The following ZNF420 variants were observed in gnomAD, a reference collection of about 807,000 sequenced individuals.
The protein encoded by ZNF420 is ATM and p53-associated KZNF protein.
A neutral mutation model predicts 44.7 loss-of-function variants in ZNF420; 31 were observed. The observed-to-expected ratio is 0.69, with a 90% CI of 0.52 to 0.94. ZNF420 has a LOEUF of 0.94. ZNF420 is among the 40% of genes least tolerant of loss of function. The probability of loss-of-function intolerance (pLI) is 0.00; values close to 1 mark genes in which losing one functional copy is unlikely to be tolerated. For synonymous variants in ZNF420, 245 were observed against 267.4 expected (o/e 0.92, Z 0.82); for missense variants, 681 against 827.9 (o/e 0.82, Z 2.18).
intron 1 of ZNF420, among the ~76,000 whole-genome samples, chr19:37,035,373 T>C (rs1349691530): frequency 1.3e-5 from 2 of 152,174 alleles, no homozygotes; most frequent in Non-Finnish European, 2.9e-5. Context: ...TTTTTTCCAT[T>C]TTAAAAATTG....
intron 4 of ZNF420, among the ~76,000 whole-genome samples, chr19:37,096,780 GTTT>G (rs761224306): frequency 2.0e-5 from 3 of 151,740 alleles, no homozygotes; most frequent in Non-Finnish European, 2.9e-5. Context: ...ATTTGTTAGT[GTTT>G]TTTAAGAAAT....
intron 2 of ZNF420, among the ~76,000 whole-genome samples, chr19:37,088,126 C>T (rs7257279): frequency 0.024 from 3,682 of 152,252 alleles, 162 homozygotes; most frequent in African/African-American, 0.083. Context: ...TGAGTATGGA[C>T]GTATTCCAAT....
At chr19:37,095,991 T>A (rs1260964911) in intron 4 of ZNF420, 1 of 152,242 alleles carries the variant, frequency 6.6e-6, no homozygotes, top group Non-Finnish European at 1.5e-5. Flanking sequence ...ATGATTTAAC[T>A]AGGTATAAAA....
chr19:37,052,805 C>T (rs563355231), intron 1 of ZNF420, among the ~76,000 whole-genome samples: 1 of 152,128 alleles, frequency 6.6e-6, no homozygotes, highest in African/African-American at 2.4e-5. Context: ...TTTTTTCCTT[C>T]ATTTCAACTT....
At chr19:37,047,241 A>G (rs1347418740) in intron 1 of ZNF420, among the ~76,000 whole-genome samples, 1 of 152,238 alleles carries the variant, frequency 6.6e-6, no homozygotes, top group African/African-American at 2.4e-5. Context: ...ATGTCATAGT[A>G]TTAGGAAGTA....
intron 1 of ZNF420, among the ~76,000 whole-genome samples, chr19:37,059,353 A>G (rs1440177268): frequency 2.0e-5 from 3 of 152,166 alleles, no homozygotes; most frequent in South Asian, 4.1e-4. Context: ...GCGGAGCGCG[A>G]GTCAACCCCG....
At position 37,089,057 on chromosome 19, in the gene ZNF420, CTG is replaced by C. The variant is rs1968987206; in HGVS notation, c.-59_-58del. On this transcript the variant is annotated 5_prime_UTR_variant, in exon 3 of 5. An upstream open reading frame in the 5' UTR gains an earlier in-frame stop. Coordinates refer to ENST00000337995, the MANE Select transcript of ZNF420 (RefSeq NM_144689.5). ...TCCGTAGCTCTGCATTCTCCAGACT[CTG>C]TGCTTTCCTAAGATAGGAACCCAGA... 10 of 1,518,982 alleles carry C rather than the reference CTG, an allele frequency of 6.6e-6. No individual in the cohort carries two copies. The highest frequency in any genetic ancestry group is 1.4e-5 in the African/African-American group (1 of 73,096). The allele number at this position is 1,518,982 out of a possible 1,614,324, so 94.1% of individuals were successfully genotyped here.
chr19:37,112,127 G>A (rs1175385165), intron 4 of ZNF420, among the ~76,000 whole-genome samples: 1 of 152,032 alleles, frequency 6.6e-6, no homozygotes, highest in Admixed American at 6.5e-5. Context: ...TTAATGGAGT[G>A]GGTTTAGGAG....
chr19:37,122,963 C>G (rs748868113), intron 4 of ZNF420, among the ~76,000 whole-genome samples: 20 of 152,186 alleles, frequency 1.3e-4, no homozygotes, highest in Admixed American at 2.0e-4. Flanking sequence ...CAAAACCAGA[C>G]TTTTCACAAT....
At chr19:37,119,688 G>A (rs984345779) in intron 4 of ZNF420, among the ~76,000 whole-genome samples, 2 of 152,014 alleles carry the variant, frequency 1.3e-5, no homozygotes, top group African/African-American at 4.8e-5. Context: ...TCCAGGAGCT[G>A]GTTTTTTGAA....
At chr19:37,124,471 T>C (rs73618098) in intron 4 of ZNF420, among the ~76,000 whole-genome samples, 2,934 of 152,300 alleles carry the variant, frequency 0.019, 79 homozygotes, top group East Asian at 0.05. Context: ...CTAATGTGAC[T>C]GCTGTATCAT....
chr19:37,087,282 C>CA (rs199903253), intron 2 of ZNF420, among the ~76,000 whole-genome samples: 13,370 of 120,782 alleles, frequency 0.11, 1,021 homozygotes, highest in East Asian at 0.36. Context: ...GACCCTGTCT[C>CA]AAAAAAAAAA....
intron 1 of ZNF420, among the ~76,000 whole-genome samples, chr19:37,068,221 T>A (rs1299388088): frequency 6.6e-6 from 1 of 152,018 alleles, no homozygotes; most frequent in Non-Finnish European, 1.5e-5. Context: ...ATAAATAGAA[T>A]GCATATTACC....
At chr19:37,061,401 C>T (rs1967878341) in intron 1 of ZNF420, among the ~76,000 whole-genome samples, 1 of 152,156 alleles carries the variant, frequency 6.6e-6, no homozygotes, top group Non-Finnish European at 1.5e-5. Flanking sequence ...GATTGTATTG[C>T]AAATGAGTAA....
intron 1 of ZNF420, among the ~76,000 whole-genome samples, chr19:37,031,099 C>T (rs1454223475): frequency 6.6e-6 from 1 of 152,122 alleles, no homozygotes; most frequent in Non-Finnish European, 1.5e-5. Flanking sequence ...AGGTGATCCA[C>T]CCACCTTGGC....
At position 37,108,815 on chromosome 19, in the gene ZNF420, G is replaced by A. The variant is rs184084615; in HGVS notation, c.136+17694G>A. 3.4e-3 allele frequency among the ~76,000 whole-genome samples: 517 copies of A among 152,292 alleles called. 4 individuals carry two copies. The Middle Eastern group carries it at 0.041, about 12-fold the overall frequency. On this transcript the variant is annotated intron_variant, in intron 4 of 4. Coordinates refer to ENST00000337995, the MANE Select transcript of ZNF420 (RefSeq NM_144689.5). ...CACTTGTGCACTGGGACATGACTGA[G>A]TTTGTCCTGTGCAATTGTGGTAGAA...
intron 1 of ZNF420, among the ~76,000 whole-genome samples, chr19:37,068,357 TGGCC>T (rs1362469128): frequency 1.3e-5 from 2 of 151,970 alleles, no homozygotes; most frequent in Admixed American, 1.3e-4. Flanking sequence ...TAAATACAAA[TGGCC>T]GGGCGCGGTG....
intron 2 of ZNF420, among the ~76,000 whole-genome samples, chr19:37,088,195 GT>G (rs1421022160): frequency 1.3e-5 from 2 of 152,142 alleles, no homozygotes; most frequent in African/African-American, 4.8e-5. Flanking sequence ...TGATTTAGTT[GT>G]CCATCAGTGC....
intron 4 of ZNF420, among the ~76,000 whole-genome samples, chr19:37,119,444 C>A (rs2145284678): frequency 6.6e-6 from 1 of 152,228 alleles, no homozygotes; most frequent in East Asian, 1.9e-4. Context: ...ACACAACATA[C>A]CAGAATCTCT....
Sources: allele counts gnomAD v4.1 joint callset (sites outside exome capture counted in the v4.1 genomes callset), GRCh38; gene constraint gnomAD v4.1.1; transcripts MANE v1.5; gene names NCBI Gene and HGNC (gene_info 2026-07-23, HGNC 2026-07-21).